The following HABP2 variants were observed in gnomAD, a reference collection of about 807,000 sequenced individuals.
The protein encoded by HABP2 is hyaluronan binding protein 2.
A neutral mutation model predicts 66.5 loss-of-function variants in HABP2; 65 were observed. The ratio of observed to expected loss-of-function variants is 0.98; its 90% CI spans 0.80 to 1.20. HABP2 has a LOEUF of 1.20. Ranked by LOEUF, HABP2 falls within the 50% of genes most tolerant of loss-of-function variation. HABP2 has a pLI of 0.00. For missense variants in HABP2, 786 were observed against 691.0 expected, an observed-to-expected ratio of 1.14 and a Z score of -1.54; for synonymous variants, 263 against 253.9, an observed-to-expected ratio of 1.04 and a Z score of -0.34.
Position 113,584,132 on chromosome 10 carries a change from C to G in HABP2, c.1238-16C>G, listed in dbSNP as rs771798215. The G allele has an allele frequency of 1.5e-5, 24 of 1,610,308 alleles. No individual in the cohort carries two copies. Among genetic ancestry groups the G allele is most frequent in the Non-Finnish European group, 2.0e-5 (24 of 1,177,340 alleles). On this transcript the variant is annotated splice_polypyrimidine_tract_variant and intron_variant, in intron 10 of 12. Coordinates refer to ENST00000351270, the MANE Select transcript of HABP2 (RefSeq NM_004132.5). ...AGGTGACATCGCATCCATTTTCTAC[C>G]TCTCTCTCCACCTAGCATTGCTCAA... is the stretch of plus-strand genomic sequence containing the variant.
Position 113,583,329 on chromosome 10 carries a change from A to G in HABP2, c.1208A>G (p.Glu403Gly). Reference protein sequence around the residue: ...EKIFKYSHYNERDEIPHNDIA... With the variant: ...EKIFKYSHYNGRDEIPHNDIA... ...ATATTCAAGTACAGCCACTACAATG[A>G]AAGAGATGAGATTCCCCACAATGAT... The change falls in exon 10 of 13, where the codon GAA (glutamate) becomes GGA (glycine). Residue 403 changes from glutamate to glycine, a missense_variant. By Grantham distance (98) the Glu-to-Gly change is moderately conservative. Transcript: ENST00000351270. 6.2e-7 allele frequency: 1 copy of G among 1,612,976 alleles called. No individual in the cohort carries two copies.
rs547042032 is a variant in HABP2, at chr10:113,580,726, TG to T, written c.838+41del. The T allele has an allele frequency of 8.3e-4, 899 of 1,080,468 alleles. 1 individual carries two copies. Among genetic ancestry groups the T allele is most frequent in the African/African-American group, 5.7e-3 (366 of 64,510 alleles). 66.9% of individuals were successfully genotyped at this position (1,080,468 alleles called of 1,614,324 possible). A position where few individuals can be genotyped will look rare whatever the true frequency, so the allele number is the denominator to read the frequency against. On this transcript the variant is annotated intron_variant, in intron 8 of 12. Transcript: ENST00000351270. Reference sequence around the variant, plus strand: ...CATGGCTGTTCAGAAGCCCAGGGGGTGGGGGGGATGGAGATTTGTAGGGAGA... The same window carrying T: ...CATGGCTGTTCAGAAGCCCAGGGGGTGGGGGGATGGAGATTTGTAGGGAGA...
chr10:113,574,707 G>T (rs964677796), intron 3 of HABP2, among the ~76,000 whole-genome samples: 3 of 152,166 alleles, frequency 2.0e-5, no homozygotes, highest in South Asian at 4.1e-4. Flanking sequence ...GTTTCCTGAT[G>T]CTGTGAATAG....
intron 9 of HABP2, 94 bp from the exon 10 acceptor site, chr10:113,583,122 T>A: frequency 9.7e-7 from 1 of 1,028,330 alleles, no homozygotes; most frequent in Non-Finnish European, 1.5e-6. Flanking sequence ...GGGTTACAAA[T>A]GAGGAGGCTG....
At chr10:113,555,469 A>G (rs1844974624) in intron 1 of HABP2, among the ~76,000 whole-genome samples, 1 of 152,260 alleles carries the variant, frequency 6.6e-6, no homozygotes, top group East Asian at 1.9e-4. Context: ...TGTCTCTGAA[A>G]CTCCAAAGAA....
chr10:113,579,236 A>G lies in HABP2; in HGVS notation c.740+438A>G, dbSNP rs7096180. Among the ~76,000 whole-genome samples, 1,279 of 151,818 alleles carry G rather than the reference A, an allele frequency of 8.4e-3. 15 individuals carry two copies. Among genetic ancestry groups the G allele is most frequent in the African/African-American group, 0.029 (1,189 of 41,352 alleles). Reference sequence around the variant, plus strand: ...GCACTCCAGCCTGGGTGACAGAGTGAGACCCTGTCTCAAAAAAAGAAAAAA... The same window carrying G: ...GCACTCCAGCCTGGGTGACAGAGTGGGACCCTGTCTCAAAAAAAGAAAAAA... On this transcript the variant is annotated intron_variant, in intron 7 of 12. Coordinates refer to ENST00000351270, the MANE Select transcript of HABP2 (RefSeq NM_004132.5).
intron 12 of HABP2, among the ~76,000 whole-genome samples, chr10:113,586,258 G>A (rs536480515): frequency 9.8e-5 from 15 of 152,314 alleles, no homozygotes; most frequent in African/African-American, 3.1e-4. Flanking sequence ...ATAGCAATTG[G>A]GTGGCCAGTG....
Position 113,588,544 on chromosome 10 carries a change from A to AAT in HABP2, c.*178_*179dup. ...GGCCTTCCCAGACCAGCATTTGCACAATATCACCAGGCTTCTTCTGCCTCC... is the reference window on the plus strand; with the variant it reads ...GGCCTTCCCAGACCAGCATTTGCACAATATATCACCAGGCTTCTTCTGCCTCC... On this transcript the variant is annotated 3_prime_UTR_variant, in exon 13 of 13. Transcript: ENST00000351270. The AAT allele has an allele frequency of 1.8e-6, 1 of 556,620 alleles. No individual in the cohort carries two copies. The highest frequency in any genetic ancestry group is 3.1e-6 in the Non-Finnish European group (1 of 317,532). The allele number at this position is 556,620 out of a possible 1,614,324, so 34.5% of individuals were successfully genotyped here. A position where few individuals can be genotyped will look rare whatever the true frequency, so the allele number is the denominator to read the frequency against.
At chr10:113,561,656 G>C (rs1038823144) in intron 1 of HABP2, among the ~76,000 whole-genome samples, 1 of 152,046 alleles carries the variant, frequency 6.6e-6, no homozygotes, top group Non-Finnish European at 1.5e-5. Flanking sequence ...AGTTCATTCG[G>C]AGCTGAGCCT....
intron 12 of HABP2, among the ~76,000 whole-genome samples, 199 bp downstream of exon 12, chr10:113,586,137 G>T (rs1845629244): frequency 6.6e-6 from 1 of 152,234 alleles, no homozygotes; most frequent in Non-Finnish European, 1.5e-5. Context: ...TCAGCATAAT[G>T]ACCACAGAGG....
At chr10:113,587,939 TCA>T (rs1266511286) in intron 12 of HABP2, among the ~76,000 whole-genome samples, 1 of 151,990 alleles carries the variant, frequency 6.6e-6, no homozygotes, top group African/African-American at 2.4e-5. Context: ...AACATCTGCA[TCA>T]CTGAGAGTTG....
At chr10:113,566,279 C>G (rs1845196324) in intron 1 of HABP2, among the ~76,000 whole-genome samples, 1 of 152,228 alleles carries the variant, frequency 6.6e-6, no homozygotes, top group African/African-American at 2.4e-5. Flanking sequence ...TCTACAAAAG[C>G]AGCCATAAAC....
At chr10:113,587,614 C>G (rs1845672361) in intron 12 of HABP2, among the ~76,000 whole-genome samples, 2 of 152,096 alleles carry the variant, frequency 1.3e-5, no homozygotes, top group African/African-American at 4.8e-5. Flanking sequence ...GAGCTATCAC[C>G]CTCAATGTCT....
chr10:113,589,041 A>C lies in HABP2; in HGVS notation c.*672A>C, dbSNP rs761279910. On this transcript the variant is annotated 3_prime_UTR_variant, in exon 13 of 13. Transcript: ENST00000351270. ...CAGTGGCATCTGGGTTCACCTCCCC[A>C]CTCTGATGATCTCCAGCCTCCACTG... The C allele has an allele frequency of 1.9e-6, 3 of 1,613,272 alleles. No individual in the cohort carries two copies. The African/African-American group carries it at 4.0e-5, about 22-fold the overall frequency.
intron 1 of HABP2, among the ~76,000 whole-genome samples, chr10:113,556,509 G>A (rs1214144746): frequency 6.6e-6 from 1 of 152,082 alleles, no homozygotes; most frequent in Non-Finnish European, 1.5e-5. Flanking sequence ...GAGGCCAGGA[G>A]TTTGAGACTA....
chr10:113,562,277 C>T (rs574507955), intron 1 of HABP2, among the ~76,000 whole-genome samples: 1 of 152,108 alleles, frequency 6.6e-6, no homozygotes, highest in Non-Finnish European at 1.5e-5. Flanking sequence ...GAGAAGTGGG[C>T]AGTGGCTTAC....
chr10:113,583,174 G>T (rs1178713695), intron 9 of HABP2, 42 bp from the exon 10 acceptor site: 2 of 1,602,834 alleles, frequency 1.2e-6, no homozygotes, highest in South Asian at 2.2e-5. Flanking sequence ...ACACAGCTGA[G>T]CAGAAACAGT....
Position 113,577,239 on chromosome 10 carries a change from C to A in HABP2, c.421C>A (p.Pro141Thr), listed in dbSNP as rs1326110988. 1.9e-6 allele frequency: 3 copies of A among 1,604,640 alleles called. No homozygotes were observed. The highest frequency in any genetic ancestry group is 2.2e-5 in the East Asian group (1 of 44,864). ...PPYYRCVCKH[P>T]YTGPSCSQVV... ...CTACTACCGCTGTGTCTGTAAACAC[C>A]CTTACACAGGTCCCAGCTGCTCCCA... The change falls in exon 5 of 13, where the codon CCT (proline) becomes ACT (threonine). Residue 141 changes from proline (P) to threonine (T), a missense_variant. By Grantham distance (38) the Pro-to-Thr change is conservative. Transcript: ENST00000351270.
intron 12 of HABP2, among the ~76,000 whole-genome samples, chr10:113,587,648 T>C (rs1845674119): frequency 6.6e-6 from 1 of 152,176 alleles, no homozygotes; most frequent in Non-Finnish European, 1.5e-5. Flanking sequence ...ATCATCATCC[T>C]CGCCACCTTC....
Sources: allele counts gnomAD v4.1 joint callset (sites outside exome capture counted in the v4.1 genomes callset), GRCh38; gene constraint gnomAD v4.1.1; transcripts MANE v1.5; gene names NCBI Gene and HGNC (gene_info 2026-07-23, HGNC 2026-07-21).